Variants in KDM1B observed in about 807,000 individuals in gnomAD.
The protein encoded by KDM1B is lysine-specific histone demethylase 2.
KDM1B carries 63 observed loss-of-function variants against 107.4 expected under a neutral mutation model. That is an observed-to-expected ratio of 0.59 (90% confidence interval 0.48 to 0.72). KDM1B has a LOEUF of 0.72. KDM1B is among the 30% of genes least tolerant of loss of function. The pLI is 0.00. For synonymous variants in KDM1B, 363 were observed against 363.9 expected (o/e 1.00, Z 0.03); for missense variants, 749 against 1,020.8 (o/e 0.73, Z 3.63).
intron 6 of KDM1B, 86 bp from the exon 7 acceptor site, chr6:18,171,277 G>A: frequency 1.3e-6 from 1 of 782,394 alleles, no homozygotes; most frequent in Non-Finnish European, 2.4e-6. Flanking sequence ...CTAACAGGTT[G>A]GAGAAGATGA....
intron 6 of KDM1B, among the ~76,000 whole-genome samples, chr6:18,167,025 C>T (rs1475575042): frequency 6.6e-6 from 1 of 151,948 alleles, no homozygotes; most frequent in Non-Finnish European, 1.5e-5. Flanking sequence ...GGTTTAAAAT[C>T]AGGCTTCAGA....
At chr6:18,184,563 C>T (rs1786709347) in intron 7 of KDM1B, among the ~76,000 whole-genome samples, 2 of 151,988 alleles carry the variant, frequency 1.3e-5, no homozygotes, top group Admixed American at 1.3e-4. Flanking sequence ...GTGTGAGCCA[C>T]TGCACGGGGC....
rs1461465709 is a variant in KDM1B, at chr6:18,197,263, TG to T, written c.1146+31del. The T allele has an allele frequency of 5.6e-6, 9 of 1,594,434 alleles. No homozygotes were observed. The highest frequency in any genetic ancestry group is 7.7e-6 in the Non-Finnish European group (9 of 1,165,148). Reference sequence around the variant, plus strand: ...GTGATTATAGCTTTAGCGATAGCCTTGCCATTGATCAGGACAAACGCTAGTC... The same window carrying T: ...GTGATTATAGCTTTAGCGATAGCCTTCCATTGATCAGGACAAACGCTAGTC... On this transcript the variant is annotated intron_variant, in intron 11 of 21. Transcript: ENST00000650836. This position sits in a 1 kb window ranked among gnomAD's most constrained non-coding sequence, Gnocchi z 4.5.
At position 18,222,027 on chromosome 6, in the gene KDM1B, G is replaced by A. The variant is rs764895607; in HGVS notation, c.*35G>A. On this transcript the variant is annotated 3_prime_UTR_variant, in exon 22 of 22. Transcript: ENST00000650836. ...GGACCCAGCTTTCTTCTGTACCCCA[G>A]ATGGGGAAATTTGAATCACATGTTA... 22 of 1,583,792 alleles carry A rather than the reference G, an allele frequency of 1.4e-5. No individual in the cohort carries two copies. Among genetic ancestry groups the A allele is most frequent in the Middle Eastern group, 1.7e-4 (1 of 6,012 alleles).
chr6:18,220,866 C>G (rs374955827), intron 21 of KDM1B, among the ~76,000 whole-genome samples: 90 of 151,634 alleles, frequency 5.9e-4, no homozygotes, highest in African/African-American at 2.2e-3. Context: ...CCGCCACCTG[C>G]GTTCAAGCAA....
Position 18,211,367 on chromosome 6 carries a change from C to G in KDM1B, c.1867-1121C>G, listed in dbSNP as rs980466851. 2 of 152,364 alleles carry G rather than the reference C, an allele frequency of 1.3e-5. No homozygotes were observed. The highest frequency in any genetic ancestry group is 2.1e-4 in the South Asian group (1 of 4,830). The allele number at this position is 152,364 out of a possible 1,614,324, so 9.4% of individuals were successfully genotyped here. On this transcript the variant is annotated intron_variant, in intron 17 of 21. Coordinates refer to ENST00000650836, the MANE Select transcript of KDM1B (RefSeq NM_001364614.2). This position sits in a 1 kb window ranked among gnomAD's most constrained non-coding sequence, Gnocchi z 5.2. Reference sequence around the variant, plus strand: ...TTAGAAAGCAAATACACACACTCTTCCCCAACTCCCTACAGCAGGTTTCTA... The same window carrying G: ...TTAGAAAGCAAATACACACACTCTTGCCCAACTCCCTACAGCAGGTTTCTA...
At chr6:18,165,275 C>T (rs998698412) in intron 5 of KDM1B, among the ~76,000 whole-genome samples, 19 of 151,458 alleles carry the variant, frequency 1.3e-4, no homozygotes, top group African/African-American at 3.6e-4. Flanking sequence ...GGACTACAGG[C>T]ACCCGCTACC....
rs1788952177 is a variant in KDM1B at position 18,212,861 on chromosome 6, A to G, written c.1983+257A>G. On this transcript the variant is annotated intron_variant, in intron 18 of 21. Transcript: ENST00000650836. The surrounding 1 kb of genome is among the most constrained non-coding windows in gnomAD (Gnocchi z 5.2). ...TCACAATTTGAATTTGGTATAAGCAATTCTTTTATCCCCTTTTTTCCCCCC... is the reference window on the plus strand; with the variant it reads ...TCACAATTTGAATTTGGTATAAGCAGTTCTTTTATCCCCTTTTTTCCCCCC... 6.6e-6 allele frequency among the ~76,000 whole-genome samples: 1 copy of G among 152,160 alleles called. No individual in the cohort carries two copies. Among genetic ancestry groups the G allele is most frequent in the Non-Finnish European group, 1.5e-5 (1 of 68,028 alleles).
At position 18,209,517 on chromosome 6, in the gene KDM1B, G is replaced by A. The variant is rs1788670557; in HGVS notation, c.1866+1311G>A. 6.6e-6 allele frequency among the ~76,000 whole-genome samples: 1 copy of A among 152,198 alleles called. No homozygotes were observed. The highest frequency in any genetic ancestry group is 2.4e-5 in the African/African-American group (1 of 41,448). On this transcript the variant is annotated intron_variant, in intron 17 of 21. Coordinates refer to ENST00000650836, the MANE Select transcript of KDM1B (RefSeq NM_001364614.2). This position sits in a 1 kb window ranked among gnomAD's most constrained non-coding sequence, Gnocchi z 4.3. ...CGGAGATCTTGGGCAGCAATCCCCG[G>A]GCTGCACGTCGGAACCACCTGGGAG...
Position 18,212,692 on chromosome 6 carries a change from T to C in KDM1B, c.1983+88T>C. 1 of 831,616 alleles carries C rather than the reference T, an allele frequency of 1.2e-6. No homozygotes were observed. Among genetic ancestry groups the C allele is most frequent in the African/African-American group, 1.7e-5 (1 of 59,808 alleles). 51.5% of individuals were successfully genotyped at this position (831,616 alleles called of 1,614,324 possible). On this transcript the variant is annotated intron_variant, in intron 18 of 21. Transcript: ENST00000650836. The surrounding 1 kb of genome is among the most constrained non-coding windows in gnomAD (Gnocchi z 5.2). ...TCTGATATGGAGAAGTAGTGGGTAC[T>C]ATCTAAATACAAATAAAACTCAAGG...
chr6:18,167,657 A>G (rs1052640936), intron 6 of KDM1B, among the ~76,000 whole-genome samples: 3 of 151,450 alleles, frequency 2.0e-5, no homozygotes, highest in Non-Finnish European at 4.4e-5. Flanking sequence ...TATTTTTTGT[A>G]GAGATGGGGT....
Position 18,179,836 on chromosome 6 carries a change from A to ACTAGATATTTTTTCTTTTTTTTTTT in KDM1B, c.535-5936_535-5935insCTAGATATTTTTTCTTTTTTTTTTT, listed in dbSNP as rs369714077. ...CTATTCCAAAATCTTTCAATTTAGCATTGGTTTTTTTTCCTTTTTTTTTTT... is the reference window on the plus strand; with the variant it reads ...CTATTCCAAAATCTTTCAATTTAGCACTAGATATTTTTTCTTTTTTTTTTTTTGGTTTTTTTTCCTTTTTTTTTTT... On this transcript the variant is annotated intron_variant, in intron 7 of 21. Coordinates refer to ENST00000650836, the MANE Select transcript of KDM1B (RefSeq NM_001364614.2). 9.6e-5 allele frequency among the ~76,000 whole-genome samples: 8 copies of ACTAGATATTTTTTCTTTTTTTTTTT among 83,518 alleles called. 4 individuals are homozygous for ACTAGATATTTTTTCTTTTTTTTTTT. The highest frequency in any genetic ancestry group is 2.9e-4 in the Admixed American group (2 of 6,784). 54.8% of individuals were successfully genotyped at this position (83,518 alleles called of 152,430 possible).
At chr6:18,196,963 T>C (rs1476866013) in intron 10 of KDM1B, 94 bp from the exon 11 acceptor site, 2 of 1,175,102 alleles carry the variant, frequency 1.7e-6, no homozygotes, top group Non-Finnish European at 2.4e-6. Context: ...ATTCAGATCT[T>C]TTACTTGTCT....
Position 18,197,706 on chromosome 6 carries a change from C to T in KDM1B, c.1221+45C>T, listed in dbSNP as rs1361960010. ...GAGTTAGAACAGATGGTTGACTGCT[C>T]CTTTTGGTCCAAATTTCTAAGATTT... On this transcript the variant is annotated intron_variant, in intron 12 of 21. Coordinates refer to ENST00000650836, the MANE Select transcript of KDM1B (RefSeq NM_001364614.2). The surrounding 1 kb of genome is among the most constrained non-coding windows in gnomAD (Gnocchi z 4.5). 5 of 1,365,048 alleles carry T rather than the reference C, an allele frequency of 3.7e-6. No homozygotes were observed. The highest frequency in any genetic ancestry group is 5.1e-6 in the Non-Finnish European group (5 of 972,428). 84.6% of individuals were successfully genotyped at this position (1,365,048 alleles called of 1,614,324 possible). A position where few individuals can be genotyped will look rare whatever the true frequency, so the allele number is the denominator to read the frequency against.
chr6:18,201,624 G>A lies in KDM1B; in HGVS notation c.1498G>A (p.Asp500Asn). ...LLDVVSEWRKDKTQLQDVPLG... is the reference protein window; with the variant it reads ...LLDVVSEWRKNKTQLQDVPLG... The stretch of plus-strand genomic sequence containing the variant: ...GGATGTTGTCTCTGAGTGGAGAAAG[G>A]ATAAGACTCAGCTCCAAGATGTCCC... The change falls in exon 14 of 22, where the codon GAT (aspartate) becomes AAT (asparagine). Residue 500 changes from aspartate to asparagine, a missense_variant. Physicochemically the swap from Asp to Asn is conservative, Grantham distance 23 (BLOSUM62 1). Transcript: ENST00000650836. This position sits in a 1 kb window ranked among gnomAD's most constrained non-coding sequence, Gnocchi z 4.3. 1.2e-5 allele frequency: 19 copies of A among 1,550,806 alleles called. No individual in the cohort carries two copies. Among genetic ancestry groups the A allele is most frequent in the Non-Finnish European group, 1.7e-5 (19 of 1,146,998 alleles).
chr6:18,159,800 A>G lies in KDM1B; in HGVS notation c.-13-83A>G. On this transcript the variant is annotated intron_variant, in intron 2 of 21. Transcript: ENST00000650836. The surrounding 1 kb of genome is among the most constrained non-coding windows in gnomAD (Gnocchi z 4.5). Reference sequence around the variant, plus strand: ...GGCAATCTGACATACATTCTTACCTACCAAAGTGTATAATAACTTGCTCCA... The same window carrying G: ...GGCAATCTGACATACATTCTTACCTGCCAAAGTGTATAATAACTTGCTCCA... 1 of 709,846 alleles carries G rather than the reference A, an allele frequency of 1.4e-6. No individual in the cohort carries two copies. The highest frequency in any genetic ancestry group is 2.4e-6 in the Non-Finnish European group (1 of 409,818). The allele number at this position is 709,846 out of a possible 1,614,324, so 44.0% of individuals were successfully genotyped here.
At chr6:18,158,870 C>G (rs1784794789) in intron 2 of KDM1B, among the ~76,000 whole-genome samples, 1 of 152,128 alleles carries the variant, frequency 6.6e-6, no homozygotes, top group Admixed American at 6.5e-5. Flanking sequence ...GTAGAAGATA[C>G]CAGTGCTTCT....
Position 18,200,313 on chromosome 6 carries a change from T to C in KDM1B, c.1222-126T>C, listed in dbSNP as rs1787951606. ...ACTGCCTGCTTTTTAAAGTTGTTTTTTTAGAAATATTTGGAATTAACCAAA... is the reference window on the plus strand; with the variant it reads ...ACTGCCTGCTTTTTAAAGTTGTTTTCTTAGAAATATTTGGAATTAACCAAA... On this transcript the variant is annotated intron_variant, in intron 12 of 21. Transcript: ENST00000650836. The surrounding 1 kb of genome is among the most constrained non-coding windows in gnomAD (Gnocchi z 4.3). The C allele has an allele frequency of 4.0e-6, 4 of 994,718 alleles. No individual in the cohort carries two copies. The highest frequency in any genetic ancestry group is 5.8e-6 in the Non-Finnish European group (4 of 687,586). The allele number at this position is 994,718 out of a possible 1,614,324, so 61.6% of individuals were successfully genotyped here.
At chr6:18,196,756 A>G (rs191455292) in intron 10 of KDM1B, among the ~76,000 whole-genome samples, 38 of 152,346 alleles carry the variant, frequency 2.5e-4, no homozygotes, top group Admixed American at 1.8e-3. Flanking sequence ...ATTAGGTATT[A>G]TAAGTAATCT....
Sources: gnomAD v4.1 joint callset for allele counts (sites outside exome capture counted in the v4.1 genomes callset) on GRCh38, gnomAD v4.1.1 for gene constraint, Gnocchi (gnomAD v3.1) non-coding constraint, MANE v1.5 for transcripts, NCBI Gene and HGNC (gene_info 2026-07-23, HGNC 2026-07-21) for gene names.